Variants in B3GALT1 observed in about 807,000 individuals in gnomAD.
The protein encoded by B3GALT1 is beta-1,3-galactosyltransferase 1.
Under a neutral mutation model 23.2 loss-of-function variants are expected in B3GALT1, and 10 were observed. The ratio of observed to expected loss-of-function variants is 0.43; its 90% CI spans 0.27 to 0.73. The LOEUF (loss-of-function observed/expected upper bound fraction) is 0.73, where lower values mean the gene tolerates loss of function less well. Ranked by LOEUF, B3GALT1 falls within the 30% of genes least tolerant of loss-of-function variation. The probability of loss-of-function intolerance (pLI) is 0.21; values close to 1 mark genes in which losing one functional copy is unlikely to be tolerated. For synonymous variants in B3GALT1, 156 were observed against 141.5 expected (o/e 1.10, Z -0.73); for missense variants, 299 against 405.4 (o/e 0.74, Z 2.25).
At chr2:167,427,576 G>T (rs963689080) in intron 1 of B3GALT1, among the ~76,000 whole-genome samples, 8 of 152,088 alleles carry the variant, frequency 5.3e-5, no homozygotes, top group African/African-American at 1.9e-4. Context: ...TCATTCTGTT[G>T]CCCAGGCTGG....
chr2:167,673,031 A>T (rs567817442), intron 3 of B3GALT1, among the ~76,000 whole-genome samples: 1 of 146,616 alleles, frequency 6.8e-6, no homozygotes, highest in African/African-American at 2.7e-5. Context: ...AAGGTGCAAA[A>T]TAAAAAAAAA....
chr2:167,770,122 T>C (rs936363825), intron 3 of B3GALT1, among the ~76,000 whole-genome samples: 1 of 152,190 alleles, frequency 6.6e-6, no homozygotes, highest in Non-Finnish European at 1.5e-5. Context: ...GTTTTGTTTT[T>C]TTGAGACTGC....
At chr2:167,805,797 A>G (rs542012495) in intron 3 of B3GALT1, among the ~76,000 whole-genome samples, 3 of 152,276 alleles carry the variant, frequency 2.0e-5, no homozygotes, top group African/African-American at 7.2e-5. Context: ...CTTAGGATTC[A>G]CTTGGCAATG....
intron 1 of B3GALT1, among the ~76,000 whole-genome samples, chr2:167,344,776 C>T (rs1285823679): frequency 2.6e-5 from 4 of 152,088 alleles, no homozygotes; most frequent in Non-Finnish European, 5.9e-5. Flanking sequence ...GTAAAAAATA[C>T]AAATGAAGTT....
intron 2 of B3GALT1, among the ~76,000 whole-genome samples, chr2:167,563,911 C>T (rs1466162227): frequency 8.4e-6 from 1 of 118,956 alleles, no homozygotes; most frequent in Non-Finnish European, 1.7e-5. Flanking sequence ...GGGGCCGATC[C>T]CCCCACCTCC....
intron 2 of B3GALT1, among the ~76,000 whole-genome samples, chr2:167,550,026 C>G (rs555408808): frequency 6.6e-6 from 1 of 152,202 alleles, no homozygotes; most frequent in East Asian, 1.9e-4. Flanking sequence ...TTTTGATTAT[C>G]TATAGTAGTA....
chr2:167,612,881 A>C (rs761728482), intron 2 of B3GALT1, among the ~76,000 whole-genome samples: 26 of 152,022 alleles, frequency 1.7e-4, no homozygotes, highest in Non-Finnish European at 3.5e-4. Flanking sequence ...TGAGAAAGCA[A>C]GATTGAAATA....
At chr2:167,535,692 C>T (rs1292671707) in intron 2 of B3GALT1, among the ~76,000 whole-genome samples, 2 of 151,514 alleles carry the variant, frequency 1.3e-5, no homozygotes, top group African/African-American at 2.4e-5. Flanking sequence ...GCATTAATTA[C>T]ATTTTCAGAG....
chr2:167,739,512 C>T (rs1474156019), intron 3 of B3GALT1, among the ~76,000 whole-genome samples: 2 of 152,176 alleles, frequency 1.3e-5, no homozygotes, highest in South Asian at 2.1e-4. Flanking sequence ...TTTAGAAAAG[C>T]ATGAGAAAGT....
At chr2:167,364,538 TC>T (rs534246480) in intron 1 of B3GALT1, among the ~76,000 whole-genome samples, 48 of 152,216 alleles carry the variant, frequency 3.2e-4, no homozygotes, top group African/African-American at 1.2e-3. Context: ...CCAGCCTGTG[TC>T]CAAGTGTTCT....
At chr2:167,398,776 A>C (rs912200364) in intron 1 of B3GALT1, among the ~76,000 whole-genome samples, 1 of 152,116 alleles carries the variant, frequency 6.6e-6, no homozygotes, top group African/African-American at 2.4e-5. Flanking sequence ...TTAGGTGCCC[A>C]CTATATATCA....
intron 2 of B3GALT1, among the ~76,000 whole-genome samples, chr2:167,615,220 G>T (rs1485082105): frequency 6.6e-6 from 1 of 152,006 alleles, no homozygotes; most frequent in African/African-American, 2.4e-5. Flanking sequence ...AGGAAATCTT[G>T]TCATTTGCCA....
At chr2:167,484,289 A>T (rs1312034493) in intron 1 of B3GALT1, among the ~76,000 whole-genome samples, 1 of 152,108 alleles carries the variant, frequency 6.6e-6, no homozygotes, top group African/African-American at 2.4e-5. Context: ...TAAGTACTTT[A>T]TGTCAACAAA....
intron 4 of B3GALT1, among the ~76,000 whole-genome samples, chr2:167,853,515 C>T (rs1311308345): frequency 6.6e-6 from 1 of 151,962 alleles, no homozygotes; most frequent in Non-Finnish European, 1.5e-5. Context: ...GTTAATATAA[C>T]TTGAAGCTCC....
At chr2:167,387,578 A>C (rs774163015) in intron 1 of B3GALT1, among the ~76,000 whole-genome samples, 1 of 152,220 alleles carries the variant, frequency 6.6e-6, no homozygotes, top group Non-Finnish European at 1.5e-5. Flanking sequence ...TTTAGTAACC[A>C]CTACACTTGC....
chr2:167,615,742 C>A (rs762689806), intron 2 of B3GALT1, among the ~76,000 whole-genome samples: 4 of 151,966 alleles, frequency 2.6e-5, no homozygotes, highest in Non-Finnish European at 5.9e-5. Context: ...ATAACCAGGT[C>A]TTATGTAGTG....
chr2:167,850,741 T>C (rs1427752653), intron 4 of B3GALT1, among the ~76,000 whole-genome samples: 1 of 151,990 alleles, frequency 6.6e-6, no homozygotes, highest in Non-Finnish European at 1.5e-5. Context: ...TCGTGTGTGC[T>C]CACTGATACG....
intron 3 of B3GALT1, among the ~76,000 whole-genome samples, chr2:167,784,527 T>C (rs982306784): frequency 1.3e-5 from 2 of 152,180 alleles, no homozygotes; most frequent in African/African-American, 4.8e-5. Flanking sequence ...CCTTGGGGAA[T>C]TGTCTAAAGA....
At chr2:167,817,501 A>T (rs1689018043) in intron 3 of B3GALT1, among the ~76,000 whole-genome samples, 3 of 152,160 alleles carry the variant, frequency 2.0e-5, no homozygotes, top group African/African-American at 7.2e-5. Context: ...TCAGTGGCTG[A>T]GTCAGTCTCT....
Sources: gnomAD v4.1 joint callset for allele counts (sites outside exome capture counted in the v4.1 genomes callset) on GRCh38, gnomAD v4.1.1 for gene constraint, MANE v1.5 for transcripts, NCBI Gene and HGNC (gene_info 2026-07-23, HGNC 2026-07-21) for gene names.